The following ICA1L variants were observed in gnomAD, a reference collection of about 807,000 sequenced individuals.
ICA1L encodes islet cell autoantigen 1 like.
A neutral mutation model predicts 61.3 loss-of-function variants in ICA1L; 50 were observed. The ratio of observed to expected loss-of-function variants is 0.82; its 90% confidence interval spans 0.65 to 1.03. ICA1L has a LOEUF of 1.03. Among genes scored for constraint, ICA1L ranks in the 50% least tolerant of loss-of-function variants. ICA1L has a pLI of 0.00. For synonymous variants in ICA1L, 161 were observed against 191.3 expected, an observed-to-expected ratio of 0.84 and a Z score of 1.31; for missense variants, 508 against 556.7, an observed-to-expected ratio of 0.91 and a Z score of 0.88.
intron 1 of ICA1L, among the ~76,000 whole-genome samples, chr2:202,843,079 C>A (rs1372622168): frequency 3.9e-5 from 6 of 152,070 alleles, no homozygotes; most frequent in Non-Finnish European, 8.8e-5. Context: ...TCTTTAAATT[C>A]ACTAAACTTA....
intron 1 of ICA1L, 98 bp downstream of exon 1, chr2:202,871,521 C>G (rs1164333000): frequency 6.6e-6 from 1 of 152,232 alleles, no homozygotes; most frequent in Non-Finnish European, 1.5e-5. Context: ...GCCGCGCCCC[C>G]GCCTCCCGGC....
chr2:202,788,621 G>A (rs964618824), intron 11 of ICA1L, among the ~76,000 whole-genome samples: 1 of 151,918 alleles, frequency 6.6e-6, no homozygotes, highest in Non-Finnish European at 1.5e-5. Flanking sequence ...TGGTGAAGGT[G>A]GGCAGGGAAA....
chr2:202,868,284 C>T (rs1361818175), intron 1 of ICA1L, among the ~76,000 whole-genome samples: 1 of 152,130 alleles, frequency 6.6e-6, no homozygotes, highest in African/African-American at 2.4e-5. Flanking sequence ...TATACCAATA[C>T]ACATCCATGG....
chr2:202,846,146 T>C (rs573800303), intron 1 of ICA1L, among the ~76,000 whole-genome samples: 1 of 152,312 alleles, frequency 6.6e-6, no homozygotes, highest in Admixed American at 6.5e-5. Context: ...CTGCAGCAAA[T>C]TTGCTACAAT....
chr2:202,830,159 C>T (rs558030816), intron 1 of ICA1L, among the ~76,000 whole-genome samples: 15 of 152,046 alleles, frequency 9.9e-5, no homozygotes, highest in South Asian at 4.1e-4. Flanking sequence ...TTTGGGAGGC[C>T]GAGGTGGGCA....
At position 202,777,719 on chromosome 2, in the gene ICA1L, T is replaced by G. The variant is rs1044286790; in HGVS notation, c.*1814A>C. On this transcript the variant is annotated 3_prime_UTR_variant, in exon 13 of 13. Coordinates refer to ENST00000358299, the MANE Select transcript of ICA1L (RefSeq NM_001288622.3). ...GCCTGTGGGCAGTTACTATTGTAGA[T>G]GGCTATGGATGGGACATGGACTGCA... is the stretch of plus-strand genomic sequence containing the variant. 1.3e-5 allele frequency: 2 copies of G among 152,166 alleles called. No individual in the cohort carries two copies. The highest frequency in any genetic ancestry group is 4.8e-5 in the African/African-American group (2 of 41,420). 9.4% of individuals were successfully genotyped at this position (152,166 alleles called of 1,614,324 possible).
chr2:202,774,331 T>C lies in ICA1L; in HGVS notation c.*5202A>G. 1 of 1,428,936 alleles carries C rather than the reference T, an allele frequency of 7.0e-7. No homozygotes were observed. Among genetic ancestry groups the C allele is most frequent in the Non-Finnish European group, 9.1e-7 (1 of 1,100,678 alleles). The allele number at this position is 1,428,936 out of a possible 1,614,324, so 88.5% of individuals were successfully genotyped here. ...GCGGCGCGCGCGTTCCCCGCAGCGCTGAGGCGAGCCTGCCGCGCGCTCCGC... is the reference window on the plus strand; with the variant it reads ...GCGGCGCGCGCGTTCCCCGCAGCGCCGAGGCGAGCCTGCCGCGCGCTCCGC... On this transcript the variant is annotated 3_prime_UTR_variant, in exon 13 of 13. Transcript: ENST00000358299.
chr2:202,828,841 A>G lies in ICA1L; in HGVS notation c.162+7T>C. 6.2e-7 allele frequency: 1 copy of G among 1,613,122 alleles called. No homozygotes were observed. On this transcript the variant is annotated splice_region_variant and intron_variant, in intron 2 of 12. Coordinates refer to ENST00000358299, the MANE Select transcript of ICA1L (RefSeq NM_001288622.3). ...TTATATGCAATACATAGAATCCTCA[A>G]ATTTACCTCAAGTTTAGCATCCAGT...
At chr2:202,857,837 A>G (rs1694808185) in intron 1 of ICA1L, among the ~76,000 whole-genome samples, 1 of 152,250 alleles carries the variant, frequency 6.6e-6, no homozygotes, top group Non-Finnish European at 1.5e-5. Context: ...TTCTCAAAAG[A>G]CATTTATGTG....
At chr2:202,820,892 G>A (rs150708490) in intron 4 of ICA1L, among the ~76,000 whole-genome samples, 347 of 152,254 alleles carry the variant, frequency 2.3e-3, no homozygotes, top group African/African-American at 8.0e-3. Flanking sequence ...ATTCTTTGCA[G>A]TAGGTATCAT....
chr2:202,830,543 T>C (rs1693990150), intron 1 of ICA1L, among the ~76,000 whole-genome samples: 1 of 152,226 alleles, frequency 6.6e-6, no homozygotes, highest in East Asian at 1.9e-4. Context: ...ACATTTTGGA[T>C]CTAAAGCCCA....
At chr2:202,853,392 A>T (rs946314882) in intron 1 of ICA1L, among the ~76,000 whole-genome samples, 3 of 152,100 alleles carry the variant, frequency 2.0e-5, no homozygotes, top group African/African-American at 7.2e-5. Context: ...TTAGACCTAA[A>T]ACCATAAAAA....
rs1692714167 is a variant in ICA1L, at chr2:202,790,525, C to T, written c.986-1438G>A. ...TCTGGTGCAGCCAGAACACAGGGCT[C>T]CTTCTCTCTCCAGCTGTCAGTCAAG... On this transcript the variant is annotated intron_variant, in intron 10 of 12. Transcript: ENST00000358299. Among the ~76,000 whole-genome samples, 5 of 152,190 alleles carry T rather than the reference C, an allele frequency of 3.3e-5. No individual in the cohort carries two copies. In the South Asian group the frequency reaches 1.0e-3, roughly 31 times the overall value.
chr2:202,871,288 T>A (rs987246299), intron 1 of ICA1L: 3 of 152,106 alleles, frequency 2.0e-5, no homozygotes, highest in Non-Finnish European at 4.4e-5. Context: ...CCGCGCTCCT[T>A]CACTACAGCG....
rs141738925 is a variant in ICA1L at position 202,862,810 on chromosome 2, G to A, written c.-8+8809C>T. On this transcript the variant is annotated intron_variant, in intron 1 of 12. Transcript: ENST00000358299. ...TGAGATTGTGCCATTGCACTCCAGC[G>A]TAGGCAACAAGAGTGAGACTTCATC... 3.2e-3 allele frequency among the ~76,000 whole-genome samples: 480 copies of A among 151,296 alleles called. 1 individual carries two copies. The highest frequency in any genetic ancestry group is 5.4e-3 in the Non-Finnish European group (363 of 67,796).
chr2:202,801,516 T>C (rs1489246377), intron 9 of ICA1L, among the ~76,000 whole-genome samples: 2 of 152,204 alleles, frequency 1.3e-5, no homozygotes, highest in Non-Finnish European at 2.9e-5. Context: ...TAAAGTAAAA[T>C]TTCTCAAAGT....
chr2:202,820,766 T>A (rs1028494020), intron 4 of ICA1L, among the ~76,000 whole-genome samples: 49 of 152,320 alleles, frequency 3.2e-4, no homozygotes, highest in African/African-American at 1.1e-3. Flanking sequence ...TTTGCACTGA[T>A]GTGATGTTTC....
chr2:202,835,215 C>CTTTTTTT (rs544503963), intron 1 of ICA1L, among the ~76,000 whole-genome samples: 4 of 120,642 alleles, frequency 3.3e-5, no homozygotes, highest in Non-Finnish European at 5.1e-5. Context: ...TGATTTCTTC[C>CTTTTTTT]TTTTTTTTTT....
At chr2:202,795,340 G>A (rs1422933119) in intron 10 of ICA1L, among the ~76,000 whole-genome samples, 2 of 151,972 alleles carry the variant, frequency 1.3e-5, no homozygotes, top group East Asian at 1.9e-4. Context: ...GGCAGGGAGT[G>A]GTGGCACACG....
Sources: gnomAD v4.1 joint callset for allele counts (sites outside exome capture counted in the v4.1 genomes callset) on GRCh38, gnomAD v4.1.1 for gene constraint, MANE v1.5 for transcripts, NCBI Gene and HGNC (gene_info 2026-07-23, HGNC 2026-07-21) for gene names.